Variants in ATP6V0A4 observed in about 807,000 individuals in gnomAD.
The protein encoded by ATP6V0A4 is V-type proton ATPase 116 kDa subunit a 4.
A neutral mutation model predicts 107.3 loss-of-function variants in ATP6V0A4; 86 were observed. The ratio of observed to expected loss-of-function variants is 0.80; its 90% CI spans 0.67 to 0.96. The LOEUF is 0.96. Among genes scored for constraint, ATP6V0A4 ranks in the 40% least tolerant of loss-of-function variants. ATP6V0A4 has a pLI of 0.00. For missense variants in ATP6V0A4, 908 were observed against 1,045.6 expected (o/e 0.87, Z 1.81); for synonymous variants, 353 against 381.4 (o/e 0.93, Z 0.87).
At chr7:138,752,962 G>A in intron 10 of ATP6V0A4, 125 bp from the exon 11 acceptor site, 6 of 1,524,976 alleles carry the variant, frequency 3.9e-6, no homozygotes, top group Non-Finnish European at 5.3e-6. Flanking sequence ...TTGACCTGTG[G>A]CTGTCACCTG....
intron 18 of ATP6V0A4, among the ~76,000 whole-genome samples, chr7:138,727,137 A>T (rs1028674784): frequency 4.8e-5 from 6 of 124,374 alleles, no homozygotes; most frequent in African/African-American, 9.0e-5. Flanking sequence ...AAAAAAAAAA[A>T]TGCTGAGCCA....
chr7:138,786,456 C>T (rs1019942054), intron 1 of ATP6V0A4, among the ~76,000 whole-genome samples, 196 bp from the exon 2 acceptor site: 8 of 151,686 alleles, frequency 5.3e-5, no homozygotes, highest in African/African-American at 1.9e-4. Flanking sequence ...GCATGCATCT[C>T]TAGTCCCAGC....
At chr7:138,787,593 A>G (rs753858785) in intron 1 of ATP6V0A4, among the ~76,000 whole-genome samples, 1 of 152,170 alleles carries the variant, frequency 6.6e-6, no homozygotes, top group African/African-American at 2.4e-5. Context: ...TCGAGGCTGT[A>G]ATACACTGTG....
At chr7:138,710,237 T>C (rs296924) in intron 20 of ATP6V0A4, among the ~76,000 whole-genome samples, 1 of 144,640 alleles carries the variant, frequency 6.9e-6, no homozygotes, top group African/African-American at 2.6e-5. Flanking sequence ...TGTCGCCCAG[T>C]CTGGAGTGCA....
chr7:138,784,267 CATATATATATAT>C (rs60959857), intron 2 of ATP6V0A4, among the ~76,000 whole-genome samples: 63,835 of 119,182 alleles, frequency 0.54, 16,647 homozygotes, highest in Admixed American at 0.61. Flanking sequence ...TATATATATA[CATATATATATAT>C]ACATATATAT....
chr7:138,730,930 TC>T (rs1475350725), intron 17 of ATP6V0A4, among the ~76,000 whole-genome samples: 13 of 51,214 alleles, frequency 2.5e-4, no homozygotes, highest in Admixed American at 1.3e-3. Flanking sequence ...TTCTTCTTCT[TC>T]TTTTTTTATT....
intron 18 of ATP6V0A4, among the ~76,000 whole-genome samples, chr7:138,726,090 G>C (rs967848918): frequency 1.1e-4 from 17 of 151,918 alleles, no homozygotes; most frequent in African/African-American, 3.4e-4. Flanking sequence ...CCCGGGCTCA[G>C]GCCATTCTCC....
chr7:138,781,840 TCTC>T (rs1563019469), intron 2 of ATP6V0A4, among the ~76,000 whole-genome samples: 1,320 of 46,078 alleles, frequency 0.029, 32 homozygotes, highest in Non-Finnish European at 0.037. Context: ...TGTCTCTCTC[TCTC>T]TTTTTTTTTT....
intron 13 of ATP6V0A4, among the ~76,000 whole-genome samples, chr7:138,746,393 T>C (rs1016903319): frequency 6.6e-6 from 1 of 152,140 alleles, no homozygotes; most frequent in Non-Finnish European, 1.5e-5. Context: ...TACAAAATCA[T>C]ATCTTTAAGC....
intron 19 of ATP6V0A4, among the ~76,000 whole-genome samples, chr7:138,717,694 A>T (rs1804116814): frequency 6.6e-6 from 1 of 152,016 alleles, no homozygotes; most frequent in Non-Finnish European, 1.5e-5. Context: ...GGTGACTTGA[A>T]GTCAGGAGTT....
chr7:138,731,020 G>A (rs1432464296), intron 17 of ATP6V0A4, among the ~76,000 whole-genome samples: 1 of 144,406 alleles, frequency 6.9e-6, no homozygotes, highest in Non-Finnish European at 1.5e-5. Context: ...TGCAACCTCT[G>A]CCTCTCAGGT....
At chr7:138,710,605 G>A (rs1232398778) in intron 20 of ATP6V0A4, among the ~76,000 whole-genome samples, 2 of 152,166 alleles carry the variant, frequency 1.3e-5, no homozygotes, top group African/African-American at 4.8e-5. Context: ...AAGTAAAAAT[G>A]TTTTTAAAAA....
At chr7:138,748,786 C>T (rs1453056685) in intron 12 of ATP6V0A4, among the ~76,000 whole-genome samples, 1 of 152,120 alleles carries the variant, frequency 6.6e-6, no homozygotes, top group Non-Finnish European at 1.5e-5. Context: ...GTTCTGTGTA[C>T]TGGTGTCTTT....
chr7:138,734,730 A>G (rs1805218546), intron 15 of ATP6V0A4, among the ~76,000 whole-genome samples: 2 of 149,100 alleles, frequency 1.3e-5, no homozygotes, highest in Admixed American at 6.8e-5. Context: ...GTGAGCTGAG[A>G]TCGCACCATT....
Position 138,773,276 on chromosome 7 carries a change from C to A in ATP6V0A4, c.-17-2012G>T, listed in dbSNP as rs1022449458. On this transcript the variant is annotated intron_variant, in intron 2 of 21. Coordinates refer to ENST00000310018, the MANE Select transcript of ATP6V0A4 (RefSeq NM_020632.3). The surrounding 1 kb of genome is among the most constrained non-coding windows in gnomAD (Gnocchi z 5.4). Reference sequence around the variant, plus strand: ...CCTGCATTTCTCCCAGCTCCCACCCCCTTCAGGCCCTTCGCCCAGGCTTTC... The same window carrying A: ...CCTGCATTTCTCCCAGCTCCCACCCACTTCAGGCCCTTCGCCCAGGCTTTC... 2.0e-5 allele frequency among the ~76,000 whole-genome samples: 3 copies of A among 152,272 alleles called. No individual in the cohort carries two copies. Among genetic ancestry groups the A allele is most frequent in the East Asian group, 3.9e-4 (2 of 5,180 alleles).
In ATP6V0A4 at chr7:138,745,637, A is replaced by T. The variant is rs554374451; in HGVS notation, c.1321-357T>A. 6.2e-3 allele frequency among the ~76,000 whole-genome samples: 880 copies of T among 141,176 alleles called. 4 individuals carry two copies. The highest frequency in any genetic ancestry group is 9.1e-3 in the Non-Finnish European group (611 of 66,998). 92.6% of individuals were successfully genotyped at this position (141,176 alleles called of 152,430 possible). ...GGCTGCAGTGAGCCAAGATTGCACCACTGCGCTCCAGCCTGTGTCTCAAAA... is the reference window on the plus strand; with the variant it reads ...GGCTGCAGTGAGCCAAGATTGCACCTCTGCGCTCCAGCCTGTGTCTCAAAA... On this transcript the variant is annotated intron_variant, in intron 13 of 21. Coordinates refer to ENST00000310018, the MANE Select transcript of ATP6V0A4 (RefSeq NM_020632.3).
At chr7:138,716,652 C>T (rs1381723530) in intron 19 of ATP6V0A4, among the ~76,000 whole-genome samples, 1 of 152,072 alleles carries the variant, frequency 6.6e-6, no homozygotes, top group African/African-American at 2.4e-5. Flanking sequence ...CAGCCTTGAC[C>T]TCCCAGGTTC....
chr7:138,725,787 A>G (rs969471325), intron 18 of ATP6V0A4, among the ~76,000 whole-genome samples: 5 of 152,156 alleles, frequency 3.3e-5, no homozygotes, highest in African/African-American at 1.2e-4. Context: ...TGCTGGGATT[A>G]CAGGCATGAG....
At chr7:138,795,515 C>T (rs962431781) in intron 1 of ATP6V0A4, among the ~76,000 whole-genome samples, 4 of 152,202 alleles carry the variant, frequency 2.6e-5, no homozygotes, top group Admixed American at 1.3e-4. Flanking sequence ...GCTCTGCTCA[C>T]GTCAAACACA....
Sources: allele counts gnomAD v4.1 joint callset (sites outside exome capture counted in the v4.1 genomes callset), GRCh38; gene constraint gnomAD v4.1.1; non-coding constraint Gnocchi (gnomAD v3.1); transcripts MANE v1.5; gene names NCBI Gene and HGNC (gene_info 2026-07-23, HGNC 2026-07-21).